The following ARHGAP15 variants were observed in gnomAD, a reference collection of about 807,000 sequenced individuals.
ARHGAP15 encodes rho GTPase-activating protein 15.
A neutral mutation model predicts 63.7 loss-of-function variants in ARHGAP15; 51 were observed. That is an observed-to-expected ratio of 0.80 (90% CI 0.64 to 1.01). The LOEUF is 1.01. Ranked by LOEUF, ARHGAP15 falls within the 50% of genes least tolerant of loss-of-function variation. The probability of loss-of-function intolerance (pLI) is 0.00; values close to 1 mark genes in which losing one functional copy is unlikely to be tolerated. For synonymous variants in ARHGAP15, 191 were observed against 193.8 expected, an observed-to-expected ratio of 0.99 and a Z score of 0.12; for missense variants, 560 against 564.6, an observed-to-expected ratio of 0.99 and a Z score of 0.08.
At chr2:143,349,441 A>G (rs187934441) in intron 6 of ARHGAP15, among the ~76,000 whole-genome samples, 1 of 152,284 alleles carries the variant, frequency 6.6e-6, no homozygotes, top group African/African-American at 2.4e-5. Context: ...ATTCACCTTC[A>G]TTCTTAAAGA....
At chr2:143,660,067 A>G (rs766931596) in intron 12 of ARHGAP15, among the ~76,000 whole-genome samples, 18 of 152,282 alleles carry the variant, frequency 1.2e-4, no homozygotes, top group African/African-American at 1.7e-4. Context: ...TGAGTCTCAA[A>G]TGTTTTGCTG....
intron 8 of ARHGAP15, among the ~76,000 whole-genome samples, chr2:143,443,629 T>C (rs1284818945): frequency 6.6e-6 from 1 of 152,180 alleles, no homozygotes; most frequent in African/African-American, 2.4e-5. Context: ...TGAGAGTTAC[T>C]TATTTCAAAA....
At chr2:143,429,829 T>C (rs1024208622) in intron 6 of ARHGAP15, among the ~76,000 whole-genome samples, 15 of 152,150 alleles carry the variant, frequency 9.9e-5, no homozygotes, top group African/African-American at 3.4e-4. Flanking sequence ...AAAACAAATA[T>C]TCCCTAAGAA....
intron 6 of ARHGAP15, among the ~76,000 whole-genome samples, chr2:143,255,567 TTAAG>T (rs1402628437): frequency 6.6e-6 from 1 of 152,162 alleles, no homozygotes; most frequent in Admixed American, 6.6e-5. Flanking sequence ...CTTAAAATGT[TTAAG>T]TACTACTTAA....
At chr2:143,136,624 G>A (rs534704693) in intron 1 of ARHGAP15, among the ~76,000 whole-genome samples, 1 of 152,112 alleles carries the variant, frequency 6.6e-6, no homozygotes, top group East Asian at 1.9e-4. Flanking sequence ...AGTATACTTT[G>A]AGGGCATGAA....
chr2:143,317,893 G>T (rs959755170), intron 6 of ARHGAP15, among the ~76,000 whole-genome samples: 2 of 152,068 alleles, frequency 1.3e-5, no homozygotes, highest in Non-Finnish European at 2.9e-5. Context: ...ATAACATTAA[G>T]TTTCAGAAAA....
At chr2:143,157,900 TG>T (rs1474078132) in intron 2 of ARHGAP15, among the ~76,000 whole-genome samples, 12 of 151,786 alleles carry the variant, frequency 7.9e-5, no homozygotes, top group African/African-American at 2.7e-4. Flanking sequence ...TGGGAAGAGA[TG>T]GGTACTAAAA....
At chr2:143,207,023 T>C (rs1008780909) in intron 3 of ARHGAP15, among the ~76,000 whole-genome samples, 5 of 151,522 alleles carry the variant, frequency 3.3e-5, no homozygotes, top group African/African-American at 7.2e-5. Flanking sequence ...AATTATAATA[T>C]ATATAAAATC....
rs11464621 is a variant in ARHGAP15, at chr2:143,712,803, TA to T, written c.1244+9292del. ...TGTTCTTACCTTCACCCTTCAGCTT[TA>T]AAAAAAAAAAAACCCACAGGAATAA... On this transcript the variant is annotated intron_variant, in intron 13 of 13. Coordinates refer to ENST00000295095, the MANE Select transcript of ARHGAP15 (RefSeq NM_018460.4). 1.3e-3 allele frequency among the ~76,000 whole-genome samples: 195 copies of T among 145,558 alleles called. 1 individual carries two copies. Among genetic ancestry groups the T allele is most frequent in the South Asian group, 2.6e-3 (12 of 4,634 alleles).
At chr2:143,427,356 A>T (rs1689179364) in intron 6 of ARHGAP15, among the ~76,000 whole-genome samples, 2 of 152,152 alleles carry the variant, frequency 1.3e-5, no homozygotes, top group Admixed American at 1.3e-4. Flanking sequence ...CAGTTTGCTT[A>T]TTTATTAATA....
At chr2:143,264,677 C>T (rs4632274) in intron 6 of ARHGAP15, among the ~76,000 whole-genome samples, 33,567 of 151,914 alleles carry the variant, frequency 0.22, 3,973 homozygotes, top group South Asian at 0.35. Flanking sequence ...CAAACAGTGG[C>T]AGTTTTAAAC....
In ARHGAP15 at chr2:143,339,441, A is replaced by T. The variant is rs576711519; in HGVS notation, c.474+88841A>T. Among the ~76,000 whole-genome samples the T allele has an allele frequency of 3.3e-5, 5 of 152,290 alleles. No individual in the cohort carries two copies. The South Asian group carries it at 1.0e-3, about 32-fold the overall frequency. Reference sequence around the variant, plus strand: ...AATGAATTATAATGGGATAGCAAAGATGAATTATAGGAAGAGTGGGTAATA... The same window carrying T: ...AATGAATTATAATGGGATAGCAAAGTTGAATTATAGGAAGAGTGGGTAATA... On this transcript the variant is annotated intron_variant, in intron 6 of 13. Transcript: ENST00000295095.
chr2:143,175,395 C>G (rs972119723), intron 2 of ARHGAP15, among the ~76,000 whole-genome samples: 2 of 152,092 alleles, frequency 1.3e-5, no homozygotes, highest in Non-Finnish European at 2.9e-5. Flanking sequence ...AAGTAACTGG[C>G]AAATATTCAG....
At chr2:143,403,573 C>A (rs537196232) in intron 6 of ARHGAP15, among the ~76,000 whole-genome samples, 4 of 151,820 alleles carry the variant, frequency 2.6e-5, no homozygotes, top group African/African-American at 9.6e-5. Flanking sequence ...AAAACACAAC[C>A]AATTTCTTAA....
chr2:143,653,732 G>A (rs557455244), intron 12 of ARHGAP15, among the ~76,000 whole-genome samples: 9 of 152,070 alleles, frequency 5.9e-5, no homozygotes, highest in Non-Finnish European at 1.2e-4. Context: ...ATTCCTTATC[G>A]CACTTTTCTT....
chr2:143,661,900 A>G lies in ARHGAP15; in HGVS notation c.1138+37633A>G, dbSNP rs184614564. Among the ~76,000 whole-genome samples the G allele has an allele frequency of 1.8e-3, 270 of 152,312 alleles. 5 individuals carry two copies. Among genetic ancestry groups the G allele is most frequent in the Admixed American group, 0.016 (241 of 15,302 alleles). On this transcript the variant is annotated intron_variant, in intron 12 of 13. Transcript: ENST00000295095. ...GGCGCACCACGAGATTATATCCCGC[A>G]CCTGGCTCGGAGGGTCCTACGCCCA...
intron 6 of ARHGAP15, among the ~76,000 whole-genome samples, chr2:143,307,482 A>C (rs1165417801): frequency 6.6e-6 from 1 of 152,202 alleles, no homozygotes; most frequent in African/African-American, 2.4e-5. Context: ...GCTAAGGCTC[A>C]ATAAAGGTAG....
chr2:143,152,901 C>T (rs1016327457), intron 1 of ARHGAP15, among the ~76,000 whole-genome samples: 3 of 151,840 alleles, frequency 2.0e-5, no homozygotes, highest in Non-Finnish European at 4.4e-5. Context: ...ATAACATTAA[C>T]ATTGTGGTAG....
At chr2:143,245,007 AG>A (rs1264309756) in intron 5 of ARHGAP15, among the ~76,000 whole-genome samples, 7 of 152,230 alleles carry the variant, frequency 4.6e-5, no homozygotes, top group Non-Finnish European at 1.0e-4. Context: ...AAAAGGAGGC[AG>A]GTAGGAGAAG....
Sources: allele counts gnomAD v4.1 joint callset (sites outside exome capture counted in the v4.1 genomes callset), GRCh38; gene constraint gnomAD v4.1.1; transcripts MANE v1.5; gene names NCBI Gene and HGNC (gene_info 2026-07-23, HGNC 2026-07-21).